Variants in PTK6 observed in about 807,000 individuals in gnomAD.
PTK6 encodes protein-tyrosine kinase 6.
A neutral mutation model predicts 47.5 loss-of-function variants in PTK6; 47 were observed. That is an observed-to-expected ratio of 0.99 (90% confidence interval 0.78 to 1.26). PTK6 has a LOEUF of 1.26. PTK6 is among the 50% of genes most tolerant of loss of function. PTK6 has a pLI of 0.00. For synonymous variants in PTK6, 287 were observed against 276.5 expected (o/e 1.04, Z -0.38); for missense variants, 618 against 625.3 (o/e 0.99, Z 0.12).
In PTK6 at chr20:63,530,357, G is replaced by A. The variant is rs558299769; in HGVS notation, c.1015-126C>T. The A allele has an allele frequency of 4.5e-5, 56 of 1,252,706 alleles. No homozygotes were observed. The highest frequency in any genetic ancestry group is 2.2e-5 in the Non-Finnish European group (20 of 901,012). The allele number at this position is 1,252,706 out of a possible 1,614,324, so 77.6% of individuals were successfully genotyped here. ...GTGATGACCCCACTGTCTGACCCAC[G>A]CACGGCCGCTGCAGCTAAGGCCACA... On this transcript the variant is annotated intron_variant, in intron 6 of 7. Coordinates refer to ENST00000542869, the MANE Select transcript of PTK6 (RefSeq NM_005975.4). This position sits in a 1 kb window ranked among gnomAD's most constrained non-coding sequence, Gnocchi z 4.1.
rs1158488704 is a variant in PTK6 at position 63,529,970 on chromosome 20, G to A, written c.1168+108C>T. ...TGTGGAGTTCAGGCGATGGCCCGCG[G>A]AGGGCCCTGAAGCCCGTGGGGGAGG... On this transcript the variant is annotated intron_variant, in intron 7 of 7. Coordinates refer to ENST00000542869, the MANE Select transcript of PTK6 (RefSeq NM_005975.4). The surrounding 1 kb of genome is among the most constrained non-coding windows in gnomAD (Gnocchi z 5.6). The A allele has an allele frequency of 7.2e-7, 1 of 1,386,996 alleles. No homozygotes were observed. Among genetic ancestry groups the A allele is most frequent in the Non-Finnish European group, 9.8e-7 (1 of 1,016,580 alleles). The allele number at this position is 1,386,996 out of a possible 1,614,324, so 85.9% of individuals were successfully genotyped here.
Position 63,529,829 on chromosome 20 carries a change from C to G in PTK6, c.1169-106G>C. ...CTTCCTGGGGCCTTCCCCGCAGCCT[C>G]AGCTGCCATGCCTTGGCGCCACCCA... On this transcript the variant is annotated intron_variant, in intron 7 of 7. Transcript: ENST00000542869. This position sits in a 1 kb window ranked among gnomAD's most constrained non-coding sequence, Gnocchi z 5.6. 1.5e-6 allele frequency: 2 copies of G among 1,293,910 alleles called. No individual in the cohort carries two copies. Among genetic ancestry groups the G allele is most frequent in the Non-Finnish European group, 2.1e-6 (2 of 952,464 alleles). 80.2% of individuals were successfully genotyped at this position (1,293,910 alleles called of 1,614,324 possible). A position where few individuals can be genotyped will look rare whatever the true frequency, so the allele number is the denominator to read the frequency against.
At chr20:63,532,480 C>G (rs773914474) in intron 5 of PTK6, 46 bp downstream of exon 5, 2 of 1,566,988 alleles carry the variant, frequency 1.3e-6, no homozygotes, top group South Asian at 2.3e-5. Flanking sequence ...TATTTCCTCA[C>G]GTGCCCCCGC....
chr20:63,536,703 C>T (rs960073488), intron 1 of PTK6, among the ~76,000 whole-genome samples: 1 of 152,200 alleles, frequency 6.6e-6, no homozygotes, highest in African/African-American at 2.4e-5. Context: ...TCGTTTCCCC[C>T]AAAGGCCCTG....
rs116407343 is a variant in PTK6, at chr20:63,534,754, T to C, written c.352+184A>G. ...GAGGGGCCCTGCCCCACGACTACCC[T>C]AGCAGCCAGTGACCCAGGCCCCAGG... On this transcript the variant is annotated intron_variant, in intron 2 of 7. Transcript: ENST00000542869. The C allele has an allele frequency of 2.5e-3, 2,353 of 948,406 alleles. 41 individuals carry two copies. The African/African-American group carries it at 0.035, about 14-fold the overall frequency. 58.7% of individuals were successfully genotyped at this position (948,406 alleles called of 1,614,324 possible).
rs2082613154 is a variant in PTK6 at position 63,530,892 on chromosome 20, G to T, written c.868C>A (p.Leu290Met). ...DEKVLPVSEL[L>M]DIAWQVAEGM... Reference sequence around the variant, plus strand: ...TCAGCCACCTGCCAGGCGATGTCCAGCAGCTCCGAAACGGGCAGGACTTTC... The same window carrying T: ...TCAGCCACCTGCCAGGCGATGTCCATCAGCTCCGAAACGGGCAGGACTTTC... Residue 290 changes from leucine to methionine, a missense_variant, in exon 6 of 8, where the codon CTG becomes ATG. Transcript: ENST00000542869. This position sits in a 1 kb window ranked among gnomAD's most constrained non-coding sequence, Gnocchi z 4.1. 4 of 1,613,304 alleles carry T rather than the reference G, an allele frequency of 2.5e-6. No individual in the cohort carries two copies. Among genetic ancestry groups the T allele is most frequent in the Non-Finnish European group, 3.4e-6 (4 of 1,179,788 alleles).
chr20:63,535,135 G>T (rs927406102), intron 1 of PTK6, 76 bp from the exon 2 acceptor site: 58 of 1,485,978 alleles, frequency 3.9e-5, no homozygotes, highest in Non-Finnish European at 4.9e-5. Context: ...CAGCCTGCCC[G>T]CCTGGAACCC....
chr20:63,534,246 T>A lies in PTK6; in HGVS notation c.422A>T (p.Glu141Val). ...RRAGGRLHLN[E>V]AVSFLSLPEL... ...GGGCAGGCTGAGGAAGGACACCGCC[T>A]CGTTCAGGTGCAGCCGGCCCCCGGC... Residue 141 changes from glutamate (E) to valine (V), a missense_variant, in exon 3 of 8, where the codon GAG becomes GTG. By Grantham distance (121) the Glu-to-Val change is moderately radical. Coordinates refer to ENST00000542869, the MANE Select transcript of PTK6 (RefSeq NM_005975.4). The A allele has an allele frequency of 1.2e-6, 2 of 1,607,456 alleles. No individual in the cohort carries two copies. Among genetic ancestry groups the A allele is most frequent in the Non-Finnish European group, 1.7e-6 (2 of 1,178,020 alleles).
chr20:63,534,287 G>A lies in PTK6; in HGVS notation c.381C>T (p.Tyr127=). ...GGCCCCCGGCACGCCGCCAGATCTT[G>A]TAGTGCCGCACAGCCTGCGTGTCCC... ...SVRDTQAVRH[Y]KIWRRAGGRL... is the part of the protein sequence containing the mutation. Residue 127 remains tyrosine (Y), a synonymous_variant, in exon 3 of 8, where the codon TAC becomes TAT. Transcript: ENST00000542869. 1.2e-6 allele frequency: 2 copies of A among 1,608,336 alleles called. No individual in the cohort carries two copies. The highest frequency in any genetic ancestry group is 1.7e-6 in the Non-Finnish European group (2 of 1,178,690).
In PTK6 at chr20:63,533,616, A is replaced by T; in HGVS notation, c.605T>A (p.Phe202Tyr). The T allele has an allele frequency of 6.2e-7, 1 of 1,613,824 alleles. No individual in the cohort carries two copies. The highest frequency in any genetic ancestry group is 8.5e-7 in the Non-Finnish European group (1 of 1,179,968). The change falls in exon 4 of 8, where the codon TTT (phenylalanine) becomes TAT (tyrosine). Residue 202 changes from phenylalanine to tyrosine, a missense_variant. Phe to Tyr is a conservative substitution (Grantham distance 22, BLOSUM62 3). Coordinates refer to ENST00000542869, the MANE Select transcript of PTK6 (RefSeq NM_005975.4). The surrounding 1 kb of genome is among the most constrained non-coding windows in gnomAD (Gnocchi z 4.0). The stretch of plus-strand genomic sequence containing the variant: ...CCAGAGCCCCTCGAAGACCTCCCCA[A>T]AGTAGCCGGACCCCAGCTTCCTGCA... Reference protein sequence around the residue: ...TLCRKLGSGYFGEVFEGLWKD... With the variant: ...TLCRKLGSGYYGEVFEGLWKD...
rs762297755 is a variant in PTK6 at position 63,533,557 on chromosome 20, A to C, written c.664T>G (p.Ser222Ala). Residue 222 changes from serine (S) to alanine (A), a missense_variant, in exon 4 of 8, where the codon TCT becomes GCT. Transcript: ENST00000542869. The surrounding 1 kb of genome is among the most constrained non-coding windows in gnomAD (Gnocchi z 4.0). ...CTGATCGGGGCCCACTCACCTCGAG[A>C]AATCACCTTAATGGCCACCTGGACC... is the stretch of plus-strand genomic sequence containing the variant. ...DRVQVAIKVISRDNLLHQQML... is the reference protein window; with the variant it reads ...DRVQVAIKVIARDNLLHQQML... 6.2e-7 allele frequency: 1 copy of C among 1,608,444 alleles called. No individual in the cohort carries two copies. The highest frequency in any genetic ancestry group is 1.7e-5 in the Admixed American group (1 of 59,512).
At position 63,535,298 on chromosome 20, in the gene PTK6, C is replaced by G. The variant is rs537725406; in HGVS notation, c.231-239G>C. Among the ~76,000 whole-genome samples, 475 of 152,296 alleles carry G rather than the reference C, an allele frequency of 3.1e-3. 2 individuals carry two copies. Among genetic ancestry groups the G allele is most frequent in the African/African-American group, 0.011 (451 of 41,566 alleles). ...AGGGGCAGGCGCTACCACACCCTGC[C>G]CTGAGTGGCCCGAGTCTAGGGGTCA... On this transcript the variant is annotated intron_variant, in intron 1 of 7. Coordinates refer to ENST00000542869, the MANE Select transcript of PTK6 (RefSeq NM_005975.4).
chr20:63,531,166 A>C (rs2082616211), intron 5 of PTK6, among the ~76,000 whole-genome samples: 1 of 152,134 alleles, frequency 6.6e-6, no homozygotes, highest in South Asian at 2.1e-4. Context: ...TCACGCCTGT[A>C]ATCCCAGCAC....
At chr20:63,535,099 A>C in intron 1 of PTK6, 40 bp from the exon 2 acceptor site, 4 of 1,553,712 alleles carry the variant, frequency 2.6e-6, no homozygotes, top group Non-Finnish European at 3.5e-6. Context: ...ACCTGGGCCC[A>C]CCCCACGTGG....
At position 63,529,722 on chromosome 20, in the gene PTK6, G is replaced by T. The variant is rs1273808932; in HGVS notation, c.1170C>A (p.Gly390=). 6.5e-7 allele frequency: 1 copy of T among 1,539,254 alleles called. No individual in the cohort carries two copies. Among genetic ancestry groups the T allele is most frequent in the Non-Finnish European group, 8.7e-7 (1 of 1,143,912 alleles). ...MFSRGQVPYP[G]MSNHEAFLRV... ...TCAGGAAGGCCTCATGGTTGGACAT[G>T]CCTGCGGCCGACAGGGATGAGAAGA... The change falls in exon 8 of 8, where the codon GGC becomes GGA. Residue 390 remains glycine (G), a splice_region_variant and synonymous_variant. Coordinates refer to ENST00000542869, the MANE Select transcript of PTK6 (RefSeq NM_005975.4). The surrounding 1 kb of genome is among the most constrained non-coding windows in gnomAD (Gnocchi z 5.6).
At position 63,528,487 on chromosome 20, in the gene PTK6, A is replaced by G. The variant is rs567233479; in HGVS notation, c.*1049T>C. On this transcript the variant is annotated 3_prime_UTR_variant, in exon 8 of 8. Transcript: ENST00000542869. ...AGTGGCGCGATCTCGGCTCACTGCA[A>G]GCTCCACCTCCCGGGTTCACACCAG... 7.3e-5 allele frequency: 11 copies of G among 150,120 alleles called. No homozygotes were observed. The highest frequency in any genetic ancestry group is 2.5e-4 in the African/African-American group (10 of 40,718). The allele number at this position is 150,120 out of a possible 1,614,324, so 9.3% of individuals were successfully genotyped here. A position where few individuals can be genotyped will look rare whatever the true frequency, so the allele number is the denominator to read the frequency against.
rs761258775 is a variant in PTK6 at position 63,534,277 on chromosome 20, G to A, written c.391C>T (p.Arg131Trp). Residue 131 changes from arginine (R) to tryptophan (W), a missense_variant, in exon 3 of 8, where the codon CGG (arginine) becomes TGG (tryptophan). By Grantham distance (101) the Arg-to-Trp change is moderately radical. Coordinates refer to ENST00000542869, the MANE Select transcript of PTK6 (RefSeq NM_005975.4). The stretch of plus-strand genomic sequence containing the variant: ...AGGTGCAGCCGGCCCCCGGCACGCC[G>A]CCAGATCTTGTAGTGCCGCACAGCC... ...TQAVRHYKIW[R>W]RAGGRLHLNE... is the part of the protein sequence containing the mutation. 13 of 1,608,074 alleles carry A rather than the reference G, an allele frequency of 8.1e-6. No homozygotes were observed. In the South Asian group the frequency reaches 1.0e-4, roughly 12 times the overall value.
chr20:63,535,861 C>A, intron 1 of PTK6, among the ~76,000 whole-genome samples: 1 of 34,478 alleles, frequency 2.9e-5, no homozygotes, highest in South Asian at 2.1e-3. Flanking sequence ...GCCTCCCGCC[C>A]CCTCCTCACC....
rs180912284 is a variant in PTK6, at chr20:63,533,735, G to A, written c.517-31C>T. 1,013 of 1,589,884 alleles carry A rather than the reference G, an allele frequency of 6.4e-4. 10 individuals carry two copies. The African/African-American group carries it at 0.012, about 19-fold the overall frequency. Reference sequence around the variant, plus strand: ...GGAAGAGTCGGGGACACAGGGCAGGGGCTCATCCTTCAGGAAGTGCCAGTC... The same window carrying A: ...GGAAGAGTCGGGGACACAGGGCAGGAGCTCATCCTTCAGGAAGTGCCAGTC... On this transcript the variant is annotated intron_variant, in intron 3 of 7. Transcript: ENST00000542869. The surrounding 1 kb of genome is among the most constrained non-coding windows in gnomAD (Gnocchi z 4.0).
Sources: allele counts gnomAD v4.1 joint callset (sites outside exome capture counted in the v4.1 genomes callset), GRCh38; gene constraint gnomAD v4.1.1; non-coding constraint Gnocchi (gnomAD v3.1); transcripts MANE v1.5; gene names NCBI Gene and HGNC (gene_info 2026-07-23, HGNC 2026-07-21).